Variants in NDUFAF2 observed in about 807,000 individuals in gnomAD.
The protein encoded by NDUFAF2 is NADH dehydrogenase [ubiquinone] 1 alpha subcomplex assembly factor 2.
In NDUFAF2, 13 loss-of-function variants were observed where a neutral mutation model predicts 22.8. That is an observed-to-expected ratio of 0.57 (90% CI 0.37 to 0.91). The LOEUF (loss-of-function observed/expected upper bound fraction) is 0.91, where lower values mean the gene tolerates loss of function less well. NDUFAF2 is among the 40% of genes least tolerant of loss of function. The probability of loss-of-function intolerance (pLI) is 0.01; values close to 1 mark genes in which losing one functional copy is unlikely to be tolerated. For missense variants in NDUFAF2, 162 were observed against 195.2 expected, an observed-to-expected ratio of 0.83 and a Z score of 1.01; for synonymous variants, 53 against 64.2, an observed-to-expected ratio of 0.83 and a Z score of 0.84.
intron 2 of NDUFAF2, among the ~76,000 whole-genome samples, chr5:61,082,510 A>G (rs2111744380): frequency 6.6e-6 from 1 of 152,144 alleles, no homozygotes; most frequent in African/African-American, 2.4e-5. Flanking sequence ...CTTCAACTGA[A>G]CCTGTCACCC....
chr5:61,128,552 G>C (rs1385087604), intron 3 of NDUFAF2, among the ~76,000 whole-genome samples: 8 of 152,132 alleles, frequency 5.3e-5, no homozygotes, highest in Admixed American at 5.2e-4. Context: ...ATGGGGAAAG[G>C]TTTCCCTATT....
intron 1 of NDUFAF2, among the ~76,000 whole-genome samples, chr5:61,023,584 T>C (rs1751613491): frequency 6.6e-6 from 1 of 152,190 alleles, no homozygotes; most frequent in South Asian, 2.1e-4. Flanking sequence ...CTTAAAAATT[T>C]CAAGGGTCCA....
intron 1 of NDUFAF2, among the ~76,000 whole-genome samples, chr5:60,984,000 A>G (rs1208734210): frequency 9.2e-5 from 14 of 152,168 alleles, no homozygotes; most frequent in South Asian, 8.3e-4. Flanking sequence ...CAGTATGGCC[A>G]TTTTCACGAT....
At chr5:61,139,254 C>T (rs1741014839) in intron 3 of NDUFAF2, among the ~76,000 whole-genome samples, 1 of 152,166 alleles carries the variant, frequency 6.6e-6, no homozygotes, top group African/African-American at 2.4e-5. Context: ...ATTGTCTACC[C>T]TTGTGATCAA....
At chr5:61,056,300 A>C (rs529401860) in intron 1 of NDUFAF2, among the ~76,000 whole-genome samples, 1 of 152,168 alleles carries the variant, frequency 6.6e-6, no homozygotes, top group Non-Finnish European at 1.5e-5. Flanking sequence ...GGCATATCTT[A>C]CTATTAGTGA....
intron 1 of NDUFAF2, among the ~76,000 whole-genome samples, chr5:60,992,472 T>C (rs957111239): frequency 1.3e-5 from 2 of 152,232 alleles, no homozygotes; most frequent in African/African-American, 4.8e-5. Flanking sequence ...CATTTTGATT[T>C]GATTTTTATA....
chr5:61,066,380 A>G (rs1752228544), intron 1 of NDUFAF2, among the ~76,000 whole-genome samples: 1 of 152,058 alleles, frequency 6.6e-6, no homozygotes, highest in African/African-American at 2.4e-5. Flanking sequence ...TAGAACCATA[A>G]AAGGCCTCAA....
In NDUFAF2 at chr5:61,004,627, G is replaced by GT. The variant is rs1400754330; in HGVS notation, c.127+59246dup. ...AGTAAATTTAAGTCTACTATTTTAG[G>GT]TCTTTGGGATCTCACTGAGAAATTC... On this transcript the variant is annotated intron_variant, in intron 1 of 3. Transcript: ENST00000296597. Among the ~76,000 whole-genome samples the GT allele has an allele frequency of 9.2e-5, 14 of 152,100 alleles. 1 individual carries two copies. Among genetic ancestry groups the GT allele is most frequent in the Admixed American group, 9.2e-4 (14 of 15,274 alleles).
At chr5:61,000,076 A>C (rs555383614) in intron 1 of NDUFAF2, among the ~76,000 whole-genome samples, 2 of 152,266 alleles carry the variant, frequency 1.3e-5, no homozygotes, top group African/African-American at 4.8e-5. Context: ...TAAACTTGTT[A>C]TCATTGATTG....
At chr5:60,958,375 A>G (rs1750643830) in intron 1 of NDUFAF2, among the ~76,000 whole-genome samples, 1 of 152,216 alleles carries the variant, frequency 6.6e-6, no homozygotes, top group Admixed American at 6.5e-5. Flanking sequence ...TGAAGTTTTC[A>G]TATTTAATTT....
chr5:60,976,253 C>T (rs545400935), intron 1 of NDUFAF2, among the ~76,000 whole-genome samples: 19 of 150,338 alleles, frequency 1.3e-4, no homozygotes, highest in African/African-American at 3.2e-4. Flanking sequence ...TGTTTTAATA[C>T]GTCTCTAATT....
chr5:61,119,544 A>C (rs956304698), intron 3 of NDUFAF2, among the ~76,000 whole-genome samples: 4 of 152,314 alleles, frequency 2.6e-5, no homozygotes, highest in Middle Eastern at 3.4e-3. Flanking sequence ...CTGGCTTCCA[A>C]AGCTGGAAAG....
At chr5:61,117,471 T>C (rs1752925331) in intron 3 of NDUFAF2, among the ~76,000 whole-genome samples, 1 of 152,268 alleles carries the variant, frequency 6.6e-6, no homozygotes, top group South Asian at 2.1e-4. Context: ...TCCTCCCACT[T>C]CAGCCTCCCA....
At chr5:61,076,799 T>G (rs1369664594) in intron 2 of NDUFAF2, among the ~76,000 whole-genome samples, 1 of 152,142 alleles carries the variant, frequency 6.6e-6, no homozygotes, top group Admixed American at 6.5e-5. Context: ...TTGTAATAAT[T>G]TAGGCAAGAG....
chr5:61,009,359 T>C (rs1751414146), intron 1 of NDUFAF2, among the ~76,000 whole-genome samples: 1 of 152,022 alleles, frequency 6.6e-6, no homozygotes, highest in African/African-American at 2.4e-5. Flanking sequence ...TATAGGGGTA[T>C]AGTAGGCAGG....
At chr5:60,948,233 A>C (rs1317377428) in intron 1 of NDUFAF2, among the ~76,000 whole-genome samples, 1 of 151,870 alleles carries the variant, frequency 6.6e-6, no homozygotes, top group African/African-American at 2.4e-5. Context: ...TTATTTGTTT[A>C]TTTTGAGATG....
At chr5:61,001,594 C>T (rs1323989947) in intron 1 of NDUFAF2, among the ~76,000 whole-genome samples, 1 of 152,010 alleles carries the variant, frequency 6.6e-6, no homozygotes, top group Admixed American at 6.6e-5. Flanking sequence ...GAAATCATGT[C>T]TCGGAAAATA....
intron 3 of NDUFAF2, among the ~76,000 whole-genome samples, chr5:61,114,251 T>G (rs1285500193): frequency 6.6e-6 from 1 of 152,154 alleles, no homozygotes; most frequent in Non-Finnish European, 1.5e-5. Flanking sequence ...GACTGTATAT[T>G]TTCAAATACC....
intron 1 of NDUFAF2, among the ~76,000 whole-genome samples, chr5:60,967,133 T>A (rs1330505298): frequency 6.6e-6 from 1 of 152,018 alleles, no homozygotes; most frequent in Non-Finnish European, 1.5e-5. Flanking sequence ...TTGATTTTTT[T>A]ATTCTTTTAT....
Sources: gnomAD v4.1 joint callset for allele counts (sites outside exome capture counted in the v4.1 genomes callset) on GRCh38, gnomAD v4.1.1 for gene constraint, MANE v1.5 for transcripts, NCBI Gene and HGNC (gene_info 2026-07-23, HGNC 2026-07-21) for gene names.